Variants in PLXNA4 observed in about 807,000 individuals in gnomAD.
The protein encoded by PLXNA4 is plexin A4.
PLXNA4 carries 44 observed loss-of-function variants against 191.8 expected under a neutral mutation model. The ratio of observed to expected loss-of-function variants is 0.23; its 90% CI spans 0.18 to 0.29. The LOEUF (loss-of-function observed/expected upper bound fraction) is 0.29. PLXNA4 is among the 10% of genes least tolerant of loss of function. PLXNA4 has a pLI of 1.00. For missense variants in PLXNA4, 1,800 were observed against 2,488.8 expected (o/e 0.72, Z 5.89); for synonymous variants, 1,082 against 1,009.5 (o/e 1.07, Z -1.36).
chr7:132,314,444 G>C (rs540796569), intron 3 of PLXNA4, among the ~76,000 whole-genome samples: 4 of 152,100 alleles, frequency 2.6e-5, no homozygotes, highest in African/African-American at 7.2e-5. Context: ...GCGTTTAGTC[G>C]GCCTCATGCC....
At chr7:132,473,110 G>C (rs1361233088) in intron 3 of PLXNA4, among the ~76,000 whole-genome samples, 1 of 152,218 alleles carries the variant, frequency 6.6e-6, no homozygotes, top group East Asian at 1.9e-4. Flanking sequence ...CTGAAAATAA[G>C]ACCAAATCCC....
intron 9 of PLXNA4, among the ~76,000 whole-genome samples, chr7:132,213,852 G>A (rs1328267256): frequency 6.6e-6 from 1 of 152,200 alleles, no homozygotes; most frequent in African/African-American, 2.4e-5. Flanking sequence ...GGGAGTGAGA[G>A]CCAGGAGGCC....
chr7:132,419,597 A>AT (rs1439582651), intron 3 of PLXNA4, among the ~76,000 whole-genome samples: 1 of 152,222 alleles, frequency 6.6e-6, no homozygotes, highest in African/African-American at 2.4e-5. Flanking sequence ...GTTTCTGTCC[A>AT]TTCTTCTGTT....
Position 132,504,282 on chromosome 7 carries a change from A to T in PLXNA4, c.1188+3224T>A, listed in dbSNP as rs917939057. ...CAGTGCTCTGTGGATGCTCCCTGGC[A>T]CAAGGGGCCTTGTAGTAGGGGTTCT... On this transcript the variant is annotated intron_variant, in intron 2 of 31. Transcript: ENST00000321063. Among the ~76,000 whole-genome samples the T allele has an allele frequency of 2.0e-5, 3 of 152,316 alleles. No homozygotes were observed. In the South Asian group the frequency reaches 6.2e-4, roughly 32 times the overall value.
Position 132,174,928 on chromosome 7 carries a change from G to A in PLXNA4, c.3875-8C>T, listed in dbSNP as rs540175711. The A allele has an allele frequency of 2.3e-4, 374 of 1,613,712 alleles. 2 individuals are homozygous for A. The South Asian group carries it at 3.2e-3, about 14-fold the overall frequency. ...TCTGCAGCTCGGCAAAGGCTGGCAC[G>A]AAGAGAAGCCTGTGAGATGGCTGGA... is the stretch of plus-strand genomic sequence containing the variant. On this transcript the variant is annotated splice_region_variant and splice_polypyrimidine_tract_variant and intron_variant, in intron 20 of 31. Transcript: ENST00000321063.
At chr7:132,236,551 A>G (rs1798708166) in intron 5 of PLXNA4, among the ~76,000 whole-genome samples, 1 of 152,114 alleles carries the variant, frequency 6.6e-6, no homozygotes, top group African/African-American at 2.4e-5. Context: ...TAACAAATGC[A>G]TTGATTCTAG....
At chr7:132,373,558 A>G (rs1308352577) in intron 3 of PLXNA4, among the ~76,000 whole-genome samples, 1 of 152,208 alleles carries the variant, frequency 6.6e-6, no homozygotes, top group African/African-American at 2.4e-5. Context: ...TTTCCACTGG[A>G]AATCCAGATC....
At chr7:132,461,374 C>A (rs947910955) in intron 3 of PLXNA4, among the ~76,000 whole-genome samples, 3 of 152,150 alleles carry the variant, frequency 2.0e-5, no homozygotes, top group Non-Finnish European at 4.4e-5. Flanking sequence ...ACTTGAAAAG[C>A]TTTCTCAGAA....
At chr7:132,318,362 T>C (rs1022608576) in intron 3 of PLXNA4, among the ~76,000 whole-genome samples, 1 of 151,974 alleles carries the variant, frequency 6.6e-6, no homozygotes, top group Non-Finnish European at 1.5e-5. Flanking sequence ...GAACCCAGAG[T>C]GTCGAGGAAA....
At chr7:132,421,027 C>T (rs1228763736) in intron 3 of PLXNA4, among the ~76,000 whole-genome samples, 1 of 152,194 alleles carries the variant, frequency 6.6e-6, no homozygotes, top group Admixed American at 6.5e-5. Flanking sequence ...AACACAACTG[C>T]CATCCATCTT....
In PLXNA4 at chr7:132,127,695, G is replaced by GAAAC. The variant is rs2116475074; in HGVS notation, c.*2780_*2783dup. The GAAAC allele has an allele frequency of 6.6e-6, 1 of 152,266 alleles. No individual in the cohort carries two copies. The highest frequency in any genetic ancestry group is 1.5e-5 in the Non-Finnish European group (1 of 68,032). The allele number at this position is 152,266 out of a possible 1,614,324, so 9.4% of individuals were successfully genotyped here. On this transcript the variant is annotated 3_prime_UTR_variant, in exon 32 of 32. Transcript: ENST00000321063. Reference sequence around the variant, plus strand: ...GGGGACTGCAGCAAACAGAGCGGCAGAAACAACCCACCCACCAATTAAAGT... The same window carrying GAAAC: ...GGGGACTGCAGCAAACAGAGCGGCAGAAACAAACAACCCACCCACCAATTAAAGT...
At chr7:132,532,639 T>C (rs756598063) in intron 1 of PLXNA4, among the ~76,000 whole-genome samples, 19 of 152,212 alleles carry the variant, frequency 1.2e-4, no homozygotes, top group Non-Finnish European at 1.8e-4. Flanking sequence ...ATTTGTCGTC[T>C]CTGATCATGC....
At chr7:132,546,841 A>G (rs1275893341) in intron 1 of PLXNA4, among the ~76,000 whole-genome samples, 1 of 152,324 alleles carries the variant, frequency 6.6e-6, no homozygotes, top group African/African-American at 2.4e-5. Context: ...GTAACTTTCA[A>G]AAGTTCCTCA....
intron 4 of PLXNA4, among the ~76,000 whole-genome samples, chr7:132,246,799 ATCATCATCC>A (rs1261666084): frequency 6.8e-6 from 1 of 147,774 alleles, no homozygotes; most frequent in Non-Finnish European, 1.5e-5. Context: ...CATCATCATC[ATCATCATCC>A]TCATCATCAT....
Position 132,165,227 on chromosome 7 carries a change from C to G in PLXNA4, c.4287-27G>C, listed in dbSNP as rs200348555. On this transcript the variant is annotated intron_variant, in intron 22 of 31. Transcript: ENST00000321063. ...TGTCAGCAGTCACCGAGGGAACCAA[C>G]GGAACAAGACAAAGAAAGAAGCAGC... 74 of 1,603,648 alleles carry G rather than the reference C, an allele frequency of 4.6e-5. 1 individual carries two copies. The South Asian group carries it at 7.7e-4, about 17-fold the overall frequency.
intron 3 of PLXNA4, among the ~76,000 whole-genome samples, chr7:132,429,839 G>A (rs1795193160): frequency 6.6e-6 from 1 of 152,144 alleles, no homozygotes; most frequent in East Asian, 1.9e-4. Context: ...CATTGCCGTG[G>A]TAGGCCAGGC....
intron 3 of PLXNA4, among the ~76,000 whole-genome samples, chr7:132,478,801 T>C (rs1797225301): frequency 6.6e-6 from 1 of 152,020 alleles, no homozygotes; most frequent in Non-Finnish European, 1.5e-5. Context: ...GGTCCAACAA[T>C]ACCTGGGAAC....
intron 4 of PLXNA4, among the ~76,000 whole-genome samples, chr7:132,290,617 C>T (rs1052418903): frequency 6.6e-6 from 1 of 152,182 alleles, no homozygotes; most frequent in Non-Finnish European, 1.5e-5. Context: ...AAGAAGGAGG[C>T]TAACAGAGAC....
intron 4 of PLXNA4, among the ~76,000 whole-genome samples, chr7:132,253,195 A>T (rs1477371383): frequency 6.7e-6 from 1 of 149,920 alleles, no homozygotes; most frequent in African/African-American, 2.4e-5. Context: ...GCAGCTCAAA[A>T]TTTATTTTAG....
Sources: allele counts gnomAD v4.1 joint callset (sites outside exome capture counted in the v4.1 genomes callset), GRCh38; gene constraint gnomAD v4.1.1; transcripts MANE v1.5; gene names NCBI Gene and HGNC (gene_info 2026-07-23, HGNC 2026-07-21).